HFM1: variants seen among roughly 807,000 people sequenced by gnomAD.
The protein encoded by HFM1 is helicase for meiosis 1, also known as probable ATP-dependent DNA helicase HFM1.
In HFM1, 169 loss-of-function variants were observed where a neutral mutation model predicts 192.1. The observed-to-expected ratio is 0.88, with a 90% CI of 0.78 to 1.00. The LOEUF is 1.00. Ranked by LOEUF, HFM1 falls within the 50% of genes least tolerant of loss-of-function variation. The pLI, the probability that HFM1 is intolerant of heterozygous loss-of-function variation, is 0.00. For missense variants in HFM1, 1,661 were observed against 1,668.0 expected, an observed-to-expected ratio of 1.00 and a Z score of 0.07; for synonymous variants, 525 against 537.8, an observed-to-expected ratio of 0.98 and a Z score of 0.33.
chr1:91,339,704 A>AGAGC (rs1655075685), intron 20 of HFM1, among the ~76,000 whole-genome samples: 1 of 152,150 alleles, frequency 6.6e-6, no homozygotes, highest in African/African-American at 2.4e-5. Flanking sequence ...AGAGAGAGAG[A>AGAGC]GAGCAAGAAA....
chr1:91,386,265 G>A (rs1353787728), intron 4 of HFM1, among the ~76,000 whole-genome samples: 1 of 152,186 alleles, frequency 6.6e-6, no homozygotes, highest in African/African-American at 2.4e-5. Flanking sequence ...ACAATATAAA[G>A]AAAGCACTCA....
chr1:91,341,757 G>A (rs960473917), intron 20 of HFM1, among the ~76,000 whole-genome samples: 8 of 150,716 alleles, frequency 5.3e-5, no homozygotes, highest in African/African-American at 1.7e-4. Flanking sequence ...AAGAAGATAC[G>A]ACCACCAATC....
At chr1:91,351,520 T>C (rs1245117973) in intron 17 of HFM1, 29 bp downstream of exon 17, 1 of 1,120,394 alleles carries the variant, frequency 8.9e-7, no homozygotes, top group Non-Finnish European at 1.3e-6. Flanking sequence ...TTAGCATTAG[T>C]ATCTTTTTGG....
chr1:91,336,401 CCTT>C (rs1445249896), intron 20 of HFM1, among the ~76,000 whole-genome samples: 2 of 151,866 alleles, frequency 1.3e-5, no homozygotes, highest in Non-Finnish European at 2.9e-5. Context: ...CCCTTTCCCT[CCTT>C]ACCTCCATCC....
intron 30 of HFM1, among the ~76,000 whole-genome samples, chr1:91,286,570 T>G (rs1459433103): frequency 2.0e-5 from 3 of 152,220 alleles, no homozygotes; most frequent in East Asian, 1.9e-4. Flanking sequence ...TGGATTAGGA[T>G]GCAGTCATAT....
Position 91,262,277 on chromosome 1 carries a change from A to C in HFM1, c.4202T>G (p.Ile1401Ser). The C allele has an allele frequency of 6.9e-7, 1 of 1,446,938 alleles. No homozygotes were observed. Among genetic ancestry groups the C allele is most frequent in the Non-Finnish European group, 9.5e-7 (1 of 1,051,702 alleles). 89.6% of individuals were successfully genotyped at this position (1,446,938 alleles called of 1,614,324 possible). The part of the protein sequence containing the change: ...SSNYKKVDFF[I>S]RNSECKKEVD... ...TTCCTTTTTACATTCACTGTTTCTA[A>C]TAAAAAAATCCACTTTTTTATAATT... is the stretch of plus-strand genomic sequence containing the variant. Residue 1401 changes from isoleucine to serine, a missense_variant, in exon 38 of 39, where the codon ATT becomes AGT. Ile to Ser is a moderately radical substitution (Grantham distance 142, BLOSUM62 -2). Coordinates refer to ENST00000370425, the MANE Select transcript of HFM1 (RefSeq NM_001017975.6).
intron 30 of HFM1, among the ~76,000 whole-genome samples, chr1:91,291,739 GACACA>G (rs1668784179): frequency 6.6e-6 from 1 of 151,758 alleles, no homozygotes; most frequent in South Asian, 2.1e-4. Flanking sequence ...GACGGGCAGA[GACACA>G]ACCAAAAAAG....
chr1:91,328,861 G>C (rs1653349095), intron 20 of HFM1: 1 of 1,610,946 alleles, frequency 6.2e-7, no homozygotes, highest in Admixed American at 1.7e-5. Flanking sequence ...TCGAGGCAGA[G>C]GCCAGCTGTG....
At chr1:91,323,043 A>C in intron 22 of HFM1, 46 bp from the exon 23 acceptor site, 3 of 1,328,242 alleles carry the variant, frequency 2.3e-6, no homozygotes, top group Non-Finnish European at 3.1e-6. Context: ...TATTTATTTT[A>C]ATTAAATAAA....
At chr1:91,370,653 T>C (rs1486884924) in intron 13 of HFM1, among the ~76,000 whole-genome samples, 1 of 152,078 alleles carries the variant, frequency 6.6e-6, no homozygotes, top group African/African-American at 2.4e-5. Flanking sequence ...GGGCAAAAAC[T>C]GGAAGCATTC....
In HFM1 at chr1:91,352,663, T is replaced by G. The variant is rs1024613797; in HGVS notation, c.1832-12A>C. The G allele has an allele frequency of 5.8e-6, 9 of 1,563,200 alleles. No homozygotes were observed. The highest frequency in any genetic ancestry group is 7.8e-6 in the Non-Finnish European group (9 of 1,159,022). The stretch of plus-strand genomic sequence containing the variant: ...AGTACTGGTAGTAACTGCATCAGAT[T>G]AAGACATAGTAATTTTGAGCCATTT... On this transcript the variant is annotated splice_polypyrimidine_tract_variant and intron_variant, in intron 15 of 38. Transcript: ENST00000370425.
At chr1:91,264,361 A>AATTTTTTTTTTTTTTTTTT (rs1665481469) in intron 36 of HFM1, among the ~76,000 whole-genome samples, 1 of 57,058 alleles carries the variant, frequency 1.8e-5, no homozygotes, top group Non-Finnish European at 3.0e-5. Context: ...CAAATTTAGT[A>AATTTTTTTTTTTTTTTTTT]TTTTTTTTTT....
chr1:91,378,538 T>G, intron 9 of HFM1, 58 bp from the exon 10 acceptor site: 2 of 1,042,192 alleles, frequency 1.9e-6, no homozygotes, highest in East Asian at 5.0e-5. Context: ...ATAATAAATA[T>G]TAAGATATCA....
rs77574388 is a variant in HFM1, at chr1:91,390,436, A to G, written c.494+3657T>C. ...GGGTGACAGAGTAAGACTCCCAAAG[A>G]AAAAAAAAAAAAGAGAGAAAGAAAG... On this transcript the variant is annotated intron_variant, in intron 4 of 38. Coordinates refer to ENST00000370425, the MANE Select transcript of HFM1 (RefSeq NM_001017975.6). 2.5e-3 allele frequency among the ~76,000 whole-genome samples: 313 copies of G among 123,484 alleles called. 5 individuals are homozygous for G. Among genetic ancestry groups the G allele is most frequent in the East Asian group, 4.5e-3 (19 of 4,252 alleles). The allele number at this position is 123,484 out of a possible 152,430, so 81.0% of individuals were successfully genotyped here.
intron 6 of HFM1, 108 bp from the exon 7 acceptor site, chr1:91,381,090 G>A: frequency 1.1e-5 from 7 of 620,452 alleles, no homozygotes; most frequent in South Asian, 4.0e-5. Context: ...TTAATGATGA[G>A]GTTTTAACAT....
chr1:91,407,769 A>G (rs1010781721), upstream of HFM1, among the ~76,000 whole-genome samples: 62 of 152,304 alleles, frequency 4.1e-4, no homozygotes, highest in African/African-American at 1.4e-3. Context: ...TCCTTTGGAT[A>G]TGTACCTAGG....
intron 23 of HFM1, among the ~76,000 whole-genome samples, chr1:91,321,782 C>A (rs12093493): frequency 0.3 from 45,543 of 151,964 alleles, 7,094 homozygotes; most frequent in Non-Finnish European, 0.34. Context: ...TAATAATTAA[C>A]TTTAAAATTT....
Position 91,315,855 on chromosome 1 carries a change from C to T in HFM1, c.3100G>A (p.Gly1034Ser). 6 of 1,610,442 alleles carry T rather than the reference C, an allele frequency of 3.7e-6. No homozygotes were observed. Among genetic ancestry groups the T allele is most frequent in the Non-Finnish European group, 5.1e-6 (6 of 1,177,922 alleles). ...SDSHYVTLII[G>S]DADNQVVYLH... Reference sequence around the variant, plus strand: ...TAAACTACTTGATTATCTGCGTCACCTATGATTAAGGTAACATAGTGAGAA... The same window carrying T: ...TAAACTACTTGATTATCTGCGTCACTTATGATTAAGGTAACATAGTGAGAA... The change falls in exon 28 of 39, where the codon GGT (glycine) becomes AGT (serine). Residue 1034 changes from glycine to serine, a missense_variant. Physicochemically the swap from Gly to Ser is moderately conservative, Grantham distance 56 (BLOSUM62 0). Transcript: ENST00000370425.
intron 30 of HFM1, among the ~76,000 whole-genome samples, chr1:91,285,213 G>A (rs1305532818): frequency 6.6e-6 from 1 of 152,066 alleles, no homozygotes; most frequent in African/African-American, 2.4e-5. Context: ...GTCTTTATCA[G>A]CAGCATGAAA....
Sources: allele counts gnomAD v4.1 joint callset (sites outside exome capture counted in the v4.1 genomes callset), GRCh38; gene constraint gnomAD v4.1.1; transcripts MANE v1.5; gene names NCBI Gene and HGNC (gene_info 2026-07-23, HGNC 2026-07-21).